RHBDD1: variants seen among roughly 807,000 people sequenced by gnomAD.
RHBDD1 encodes rhomboid-related protein 4.
Under a neutral mutation model 36.3 loss-of-function variants are expected in RHBDD1, and 38 were observed. The ratio of observed to expected loss-of-function variants is 1.05; its 90% CI spans 0.81 to 1.37. The LOEUF (loss-of-function observed/expected upper bound fraction) is 1.37. Among genes scored for constraint, RHBDD1 ranks in the 40% most tolerant of loss-of-function variants. RHBDD1 has a pLI of 0.00. For synonymous variants in RHBDD1, 151 were observed against 136.5 expected (o/e 1.11, Z -0.74); for missense variants, 393 against 377.6 (o/e 1.04, Z -0.34).
At chr2:226,900,634 G>A (rs1042906337) in intron 5 of RHBDD1, among the ~76,000 whole-genome samples, 8 of 152,094 alleles carry the variant, frequency 5.3e-5, no homozygotes, top group African/African-American at 1.9e-4. Context: ...GACAGGGGGA[G>A]GCTGTGTTCA....
intron 8 of RHBDD1, chr2:226,968,964 G>C (rs1042262147): frequency 3.6e-5 from 6 of 168,166 alleles, no homozygotes; most frequent in African/African-American, 1.4e-4. Context: ...GAATGCTAAG[G>C]GATTTTTTTT....
chr2:226,924,546 C>CA (rs1949544163), intron 8 of RHBDD1, among the ~76,000 whole-genome samples: 1 of 152,198 alleles, frequency 6.6e-6, no homozygotes. Context: ...GCATGTCCCC[C>CA]AGGTCCACTG....
chr2:226,916,895 G>T (rs1394091856), intron 8 of RHBDD1, among the ~76,000 whole-genome samples: 2 of 152,128 alleles, frequency 1.3e-5, no homozygotes, highest in African/African-American at 4.8e-5. Context: ...GAAAGAGAAA[G>T]AAAATAATGA....
At chr2:226,948,564 T>TAAAAAAAAAAAAAAAAAAAAAAGAAAA (rs56325989) in intron 8 of RHBDD1, among the ~76,000 whole-genome samples, 1 of 23,544 alleles carries the variant, frequency 4.2e-5, no homozygotes, top group Non-Finnish European at 8.3e-5. Context: ...ACTTAAAGTA[T>TAAAAAAAAAAAAAAAAAAAAAAGAAAA]AAAAAAAAAA....
Position 226,946,213 on chromosome 2 carries a change from A to C in RHBDD1, c.856+31862A>C, listed in dbSNP as rs191533724. Among the ~76,000 whole-genome samples, 1,007 of 152,246 alleles carry C rather than the reference A, an allele frequency of 6.6e-3. 8 individuals carry two copies. Among genetic ancestry groups the C allele is most frequent in the African/African-American group, 0.023 (945 of 41,536 alleles). On this transcript the variant is annotated intron_variant, in intron 8 of 8. Coordinates refer to ENST00000392062, the MANE Select transcript of RHBDD1 (RefSeq NM_001167608.3). ...ATTGCTTTTGGTGTTTTAGTCATGA[A>C]GTCTTTGCCCATGCCTATGTTCTGA...
rs956498261 is a variant in RHBDD1, at chr2:226,996,678, GAAAT to G, written c.*1158_*1161del. On this transcript the variant is annotated 3_prime_UTR_variant, in exon 9 of 9. Transcript: ENST00000392062. Reference sequence around the variant, plus strand: ...GATGCATAAGGCAAACATCTGGAAAGAAATATACCCAAATCTTAGCAGGGGTTAT... The same window carrying G: ...GATGCATAAGGCAAACATCTGGAAAGATACCCAAATCTTAGCAGGGGTTAT... 35 of 152,352 alleles carry G rather than the reference GAAAT, an allele frequency of 2.3e-4. No individual in the cohort carries two copies. The highest frequency in any genetic ancestry group is 8.4e-4 in the African/African-American group (35 of 41,586). 9.4% of individuals were successfully genotyped at this position (152,352 alleles called of 1,614,324 possible).
At chr2:226,908,994 T>C in intron 7 of RHBDD1, 116 bp downstream of exon 7, 1 of 691,436 alleles carries the variant, frequency 1.4e-6, no homozygotes, top group Non-Finnish European at 2.5e-6. Context: ...CATTCACATG[T>C]TGTGTAACTG....
intron 7 of RHBDD1, among the ~76,000 whole-genome samples, chr2:226,913,665 C>T (rs1432473388): frequency 6.6e-6 from 1 of 151,738 alleles, no homozygotes; most frequent in Non-Finnish European, 1.5e-5. Flanking sequence ...ATCTAGAAAC[C>T]TTTTTTTGGG....
intron 3 of RHBDD1, among the ~76,000 whole-genome samples, chr2:226,858,252 G>C (rs2125152906): frequency 6.6e-6 from 1 of 152,266 alleles, no homozygotes; most frequent in East Asian, 1.9e-4. Context: ...CATGAAAGTA[G>C]TGCTAATGAT....
At chr2:226,956,965 C>G (rs1402121171) in intron 8 of RHBDD1, among the ~76,000 whole-genome samples, 1 of 152,204 alleles carries the variant, frequency 6.6e-6, no homozygotes, top group African/African-American at 2.4e-5. Flanking sequence ...GTTTACTTAC[C>G]ACTTCAAGGT....
In RHBDD1 at chr2:226,996,032, GCCTCAGCT is replaced by G. The variant is rs973837649; in HGVS notation, c.*523_*530del. ...TTGTCCTACTCTCCCCAACCCCGGC[GCCTCAGCT>G]CCTCAGCTCCTCGGGCCCCTGCGTC... is the stretch of plus-strand genomic sequence containing the variant. On this transcript the variant is annotated 3_prime_UTR_variant, in exon 9 of 9. Coordinates refer to ENST00000392062, the MANE Select transcript of RHBDD1 (RefSeq NM_001167608.3). 1 of 157,586 alleles carries G rather than the reference GCCTCAGCT, an allele frequency of 6.3e-6. No homozygotes were observed. The highest frequency in any genetic ancestry group is 1.4e-5 in the Non-Finnish European group (1 of 71,928). The allele number at this position is 157,586 out of a possible 1,614,324, so 9.8% of individuals were successfully genotyped here.
intron 8 of RHBDD1, among the ~76,000 whole-genome samples, chr2:226,916,840 G>A (rs1225972428): frequency 6.6e-6 from 1 of 152,166 alleles, no homozygotes; most frequent in Non-Finnish European, 1.5e-5. Flanking sequence ...GCCCCCATCA[G>A]TAATTATACA....
At position 226,999,078 on chromosome 2, in the gene RHBDD1, A is replaced by G. The variant is rs1345373770; in HGVS notation, c.*3556A>G. Reference sequence around the variant, plus strand: ...TTGCTGGTTATGCTGCAATGAGAGAATGTCTTTGTCTTTAAATTGTAAGCT... The same window carrying G: ...TTGCTGGTTATGCTGCAATGAGAGAGTGTCTTTGTCTTTAAATTGTAAGCT... On this transcript the variant is annotated 3_prime_UTR_variant, in exon 9 of 9. Coordinates refer to ENST00000392062, the MANE Select transcript of RHBDD1 (RefSeq NM_001167608.3). The G allele has an allele frequency of 1.3e-5, 2 of 152,236 alleles. No individual in the cohort carries two copies. Among genetic ancestry groups the G allele is most frequent in the Non-Finnish European group, 2.9e-5 (2 of 68,048 alleles). 9.4% of individuals were successfully genotyped at this position (152,236 alleles called of 1,614,324 possible). A position where few individuals can be genotyped will look rare whatever the true frequency, so the allele number is the denominator to read the frequency against.
chr2:226,893,875 C>T lies in RHBDD1; in HGVS notation c.567-12918C>T, dbSNP rs550067630. Among the ~76,000 whole-genome samples, 13 of 152,252 alleles carry T rather than the reference C, an allele frequency of 8.5e-5. No homozygotes were observed. The South Asian group carries it at 2.7e-3, about 32-fold the overall frequency. ...ACAGCACTACTGACCCCCAGTCTGT[C>T]GAAAGGACATTCTTGTAAATGAAAA... On this transcript the variant is annotated intron_variant, in intron 5 of 8. Coordinates refer to ENST00000392062, the MANE Select transcript of RHBDD1 (RefSeq NM_001167608.3).
At chr2:226,952,291 TG>T (rs1236420970) in intron 8 of RHBDD1, among the ~76,000 whole-genome samples, 14 of 128,962 alleles carry the variant, frequency 1.1e-4, no homozygotes, top group South Asian at 4.7e-4. Flanking sequence ...TGTTTTGGTT[TG>T]GTTTTTTTTT....
Position 226,995,887 on chromosome 2 carries a change from C to T in RHBDD1, c.*365C>T. ...ACACCAGTCGGGAAGATTAGTCCCT[C>T]ATTCTGCCTGGAGTGCCCCGTGTTT... On this transcript the variant is annotated 3_prime_UTR_variant, in exon 9 of 9. Transcript: ENST00000392062. 1 of 209,904 alleles carries T rather than the reference C, an allele frequency of 4.8e-6. No individual in the cohort carries two copies. Among genetic ancestry groups the T allele is most frequent in the Non-Finnish European group, 9.4e-6 (1 of 106,080 alleles). 13.0% of individuals were successfully genotyped at this position (209,904 alleles called of 1,614,324 possible).
chr2:226,821,845 C>A, the RHBDD1 span, among the ~76,000 whole-genome samples: 1 of 151,974 alleles, frequency 6.6e-6, no homozygotes, highest in Non-Finnish European at 1.5e-5. Context: ...ATATTTTAAT[C>A]TTTTTGTCAT....
intron 8 of RHBDD1, among the ~76,000 whole-genome samples, chr2:226,992,337 TCTC>T (rs1195417560): frequency 6.6e-6 from 1 of 152,208 alleles, no homozygotes; most frequent in Non-Finnish European, 1.5e-5. Flanking sequence ...TTAAAAACAT[TCTC>T]CTCAGATCAA....
At chr2:226,923,682 A>G (rs140481923) in intron 8 of RHBDD1, among the ~76,000 whole-genome samples, 8 of 152,078 alleles carry the variant, frequency 5.3e-5, no homozygotes, top group African/African-American at 1.9e-4. Flanking sequence ...GCTATTTTCT[A>G]GATATTGAAG....
Sources: gnomAD v4.1 joint callset for allele counts (sites outside exome capture counted in the v4.1 genomes callset) on GRCh38, gnomAD v4.1.1 for gene constraint, MANE v1.5 for transcripts, NCBI Gene and HGNC (gene_info 2026-07-23, HGNC 2026-07-21) for gene names.